The following PLCXD3 variants were observed in gnomAD, a reference collection of about 807,000 sequenced individuals.
The protein encoded by PLCXD3 is PI-PLC X domain-containing protein 3.
A neutral mutation model predicts 25.5 loss-of-function variants in PLCXD3; 19 were observed. That is an observed-to-expected ratio of 0.75 (90% CI 0.52 to 1.09). The LOEUF is 1.09. Among genes scored for constraint, PLCXD3 ranks in the 50% least tolerant of loss-of-function variants. The pLI, the probability that PLCXD3 is intolerant of heterozygous loss-of-function variation, is 0.00. For synonymous variants in PLCXD3, 174 were observed against 137.6 expected, an observed-to-expected ratio of 1.26 and a Z score of -1.85; for missense variants, 411 against 388.1, an observed-to-expected ratio of 1.06 and a Z score of -0.50.
chr5:41,498,476 T>C (rs990275699), intron 1 of PLCXD3, among the ~76,000 whole-genome samples: 1 of 151,494 alleles, frequency 6.6e-6, no homozygotes, highest in Non-Finnish European at 1.5e-5. Context: ...CATGAGGAAA[T>C]AGAAAATGTG....
Position 41,405,769 on chromosome 5 carries a change from G to GTTTGT in PLCXD3, c.104-23240_104-23236dup, listed in dbSNP as rs572067944. Among the ~76,000 whole-genome samples, 557 of 152,006 alleles carry GTTTGT rather than the reference G, an allele frequency of 3.7e-3. 3 individuals carry two copies. Among genetic ancestry groups the GTTTGT allele is most frequent in the African/African-American group, 0.012 (517 of 41,474 alleles). On this transcript the variant is annotated intron_variant, in intron 1 of 2. Transcript: ENST00000377801. ...CAATCATTGGTCCAATTTTTTATTT[G>GTTTGT]TTTGTTTTGTTTTGTTTTGTTTTGT...
rs373682946 is a variant in PLCXD3, at chr5:41,309,608, T to C, written c.*4009A>G. ...ATGGAAACATGCATTTCCTGAGACTTCCAACTTTCCAGTCTGGAATCCTAA... is the reference window on the plus strand; with the variant it reads ...ATGGAAACATGCATTTCCTGAGACTCCCAACTTTCCAGTCTGGAATCCTAA... On this transcript the variant is annotated 3_prime_UTR_variant, in exon 3 of 3. Coordinates refer to ENST00000377801, the MANE Select transcript of PLCXD3 (RefSeq NM_001005473.3). 11 of 152,158 alleles carry C rather than the reference T, an allele frequency of 7.2e-5. No homozygotes were observed. Among genetic ancestry groups the C allele is most frequent in the African/African-American group, 2.7e-4 (11 of 41,448 alleles). 9.4% of individuals were successfully genotyped at this position (152,158 alleles called of 1,614,324 possible).
chr5:41,385,178 C>G (rs1375849909), intron 1 of PLCXD3, among the ~76,000 whole-genome samples: 1 of 152,022 alleles, frequency 6.6e-6, no homozygotes, highest in Non-Finnish European at 1.5e-5. Context: ...AGAGGAAAAG[C>G]CTAACCTCGT....
chr5:41,417,391 C>T (rs1309513868), intron 1 of PLCXD3, among the ~76,000 whole-genome samples: 2 of 152,148 alleles, frequency 1.3e-5, no homozygotes, highest in Non-Finnish European at 1.5e-5. Flanking sequence ...CCTTTTCATT[C>T]CAGGAACTAG....
At chr5:41,425,648 T>C (rs1017983291) in intron 1 of PLCXD3, among the ~76,000 whole-genome samples, 1 of 152,212 alleles carries the variant, frequency 6.6e-6, no homozygotes, top group Non-Finnish European at 1.5e-5. Flanking sequence ...GTTTCTCCTT[T>C]CTAACCCCTG....
intron 2 of PLCXD3, among the ~76,000 whole-genome samples, chr5:41,332,642 C>CAATAA (rs1743855584): frequency 6.6e-6 from 1 of 152,026 alleles, no homozygotes; most frequent in South Asian, 2.1e-4. Flanking sequence ...GACACATGCA[C>CAATAA]ACATATGTTT....
intron 2 of PLCXD3, among the ~76,000 whole-genome samples, chr5:41,327,657 ATAAT>A (rs1210097693): frequency 2.6e-5 from 4 of 152,214 alleles, no homozygotes; most frequent in Non-Finnish European, 5.9e-5. Flanking sequence ...ATCTGAAGAG[ATAAT>A]TAAATTCCCT....
chr5:41,394,675 T>C (rs1025077757), intron 1 of PLCXD3, among the ~76,000 whole-genome samples: 5 of 152,056 alleles, frequency 3.3e-5, no homozygotes, highest in African/African-American at 1.2e-4. Flanking sequence ...ATACTTATAT[T>C]AGACAAAATG....
At chr5:41,432,948 C>T (rs1326775219) in intron 1 of PLCXD3, among the ~76,000 whole-genome samples, 1 of 152,178 alleles carries the variant, frequency 6.6e-6, no homozygotes, top group Non-Finnish European at 1.5e-5. Context: ...CTGCTGTTTT[C>T]TTTTGGCCCA....
At chr5:41,482,181 C>T (rs181165681) in intron 1 of PLCXD3, among the ~76,000 whole-genome samples, 87 of 152,216 alleles carry the variant, frequency 5.7e-4, no homozygotes, top group Non-Finnish European at 8.2e-4. Flanking sequence ...TTACAGTCTC[C>T]TTCCTAACAT....
At chr5:41,374,861 G>A (rs1461963708) in intron 2 of PLCXD3, among the ~76,000 whole-genome samples, 1 of 152,084 alleles carries the variant, frequency 6.6e-6, no homozygotes, top group Non-Finnish European at 1.5e-5. Context: ...GGGCTGGAAA[G>A]CTTCTCTTTA....
At chr5:41,338,646 G>C (rs535469496) in intron 2 of PLCXD3, among the ~76,000 whole-genome samples, 1 of 151,808 alleles carries the variant, frequency 6.6e-6, no homozygotes, top group South Asian at 2.1e-4. Flanking sequence ...GTTTCTTTCT[G>C]ACCACCCACT....
intron 2 of PLCXD3, among the ~76,000 whole-genome samples, chr5:41,331,191 A>C (rs1384311660): frequency 6.6e-6 from 1 of 152,190 alleles, no homozygotes; most frequent in Non-Finnish European, 1.5e-5. Context: ...GTATATCTAG[A>C]AAACCCCATT....
At chr5:41,389,546 A>G (rs1265714325) in intron 1 of PLCXD3, among the ~76,000 whole-genome samples, 2 of 152,170 alleles carry the variant, frequency 1.3e-5, no homozygotes, top group Non-Finnish European at 2.9e-5. Flanking sequence ...GGCAAAGATA[A>G]CCAACTGTAG....
At chr5:41,453,639 T>A (rs1229095122) in intron 1 of PLCXD3, among the ~76,000 whole-genome samples, 2 of 152,032 alleles carry the variant, frequency 1.3e-5, no homozygotes, top group African/African-American at 4.8e-5. Context: ...AATAGTTACT[T>A]ATGTTTTATA....
intron 1 of PLCXD3, among the ~76,000 whole-genome samples, chr5:41,465,968 A>G (rs1168468186): frequency 1.3e-5 from 2 of 152,128 alleles, no homozygotes; most frequent in Non-Finnish European, 2.9e-5. Flanking sequence ...CTATCTAATT[A>G]CGTCATTTTT....
chr5:41,320,259 A>G (rs1452314064), intron 2 of PLCXD3, among the ~76,000 whole-genome samples: 1 of 152,098 alleles, frequency 6.6e-6, no homozygotes, highest in Non-Finnish European at 1.5e-5. Flanking sequence ...AACTCACTCT[A>G]TGAGGCCAGT....
intron 2 of PLCXD3, among the ~76,000 whole-genome samples, chr5:41,337,167 C>T (rs77994612): frequency 0.12 from 18,652 of 152,040 alleles, 1,233 homozygotes; most frequent in Non-Finnish European, 0.13. Flanking sequence ...GGCAGTGTAC[C>T]GTACATACCC....
At chr5:41,503,987 TTGTGTG>T (rs36021542) in intron 1 of PLCXD3, among the ~76,000 whole-genome samples, 4 of 148,454 alleles carry the variant, frequency 2.7e-5, no homozygotes, top group East Asian at 2.0e-4. Flanking sequence ...GTGTGTGCAC[TTGTGTG>T]TGTGTGTGTG....
Sources: allele counts gnomAD v4.1 joint callset (sites outside exome capture counted in the v4.1 genomes callset), GRCh38; gene constraint gnomAD v4.1.1; transcripts MANE v1.5; gene names NCBI Gene and HGNC (gene_info 2026-07-23, HGNC 2026-07-21).